Variants in RAB40B observed in about 807,000 individuals in gnomAD.
The protein encoded by RAB40B is ras-related protein Rab-40B.
Under a neutral mutation model 24.0 loss-of-function variants are expected in RAB40B, and 21 were observed. That is an observed-to-expected ratio of 0.88 (90% CI 0.62 to 1.26). The LOEUF is 1.26. Ranked by LOEUF, RAB40B falls within the 50% of genes most tolerant of loss-of-function variation. The pLI, the probability that RAB40B is intolerant of heterozygous loss-of-function variation, is 0.00. For missense variants in RAB40B, 348 were observed against 390.5 expected (o/e 0.89, Z 0.92); for synonymous variants, 167 against 169.8 (o/e 0.98, Z 0.13).
chr17:82,664,672 C>T, intron 1 of RAB40B, 116 bp from the exon 2 acceptor site: 1 of 993,642 alleles, frequency 1.0e-6, no homozygotes, highest in Non-Finnish European at 1.5e-6. Context: ...GTTTACAAGG[C>T]AGGCGGATGG....
chr17:82,695,025 T>C (rs1211900383), intron 1 of RAB40B, among the ~76,000 whole-genome samples: 1 of 151,768 alleles, frequency 6.6e-6, no homozygotes, highest in Non-Finnish European at 1.5e-5. Flanking sequence ...TATTTAAATG[T>C]TGAATTGATA....
intron 1 of RAB40B, among the ~76,000 whole-genome samples, chr17:82,676,520 C>G (rs2046396400): frequency 6.6e-6 from 1 of 151,896 alleles, no homozygotes; most frequent in South Asian, 2.1e-4. Flanking sequence ...CTCGGCTCTT[C>G]CCAGCCACCC....
In RAB40B at chr17:82,675,623, G is replaced by A. The variant is rs761518347; in HGVS notation, c.143-11067C>T. Among the ~76,000 whole-genome samples, 1 of 152,128 alleles carries A rather than the reference G, an allele frequency of 6.6e-6. No individual in the cohort carries two copies. Among genetic ancestry groups the A allele is most frequent in the Non-Finnish European group, 1.5e-5 (1 of 68,032 alleles). On this transcript the variant is annotated intron_variant, in intron 1 of 5. Transcript: ENST00000571995. This position sits in a 1 kb window ranked among gnomAD's most constrained non-coding sequence, Gnocchi z 4.5. ...CTGGAAGTTCTAGATCAAGGTCCAG[G>A]CAGAGCCAGTGTCTGACGAGGGCTG...
chr17:82,672,150 ACAGCT>A (rs2046345565), intron 1 of RAB40B, among the ~76,000 whole-genome samples: 1 of 151,674 alleles, frequency 6.6e-6, no homozygotes, highest in Non-Finnish European at 1.5e-5. Context: ...ACCCACTGAC[ACAGCT>A]CACCCCTGTA....
intron 3 of RAB40B, among the ~76,000 whole-genome samples, chr17:82,660,254 C>T (rs1392673692): frequency 6.6e-6 from 1 of 151,304 alleles, no homozygotes; most frequent in Non-Finnish European, 1.5e-5. Flanking sequence ...TGTGCACATG[C>T]ATGCACATAA....
chr17:82,693,001 AT>A (rs1026885589), intron 1 of RAB40B, among the ~76,000 whole-genome samples: 2 of 151,000 alleles, frequency 1.3e-5, no homozygotes, highest in African/African-American at 2.4e-5. Context: ...TTCTGTTTCT[AT>A]TTTTTTTCTT....
In RAB40B at chr17:82,697,704, C is replaced by T. The variant is rs1472498586; in HGVS notation, c.142+751G>A. On this transcript the variant is annotated intron_variant, in intron 1 of 5. Transcript: ENST00000571995. The surrounding 1 kb of genome is among the most constrained non-coding windows in gnomAD (Gnocchi z 4.9). ...TGGGTTCCTGCCCCCGCCTTTCTTTCCCCGGAGCCGTCCACCCCCTCGCCG... is the reference window on the plus strand; with the variant it reads ...TGGGTTCCTGCCCCCGCCTTTCTTTTCCCGGAGCCGTCCACCCCCTCGCCG... Among the ~76,000 whole-genome samples the T allele has an allele frequency of 6.6e-6, 1 of 152,214 alleles. No individual in the cohort carries two copies. The highest frequency in any genetic ancestry group is 1.5e-5 in the Non-Finnish European group (1 of 68,040).
chr17:82,659,261 G>A (rs367927498), intron 4 of RAB40B: 24 of 362,690 alleles, frequency 6.6e-5, no homozygotes, highest in South Asian at 4.9e-4. Flanking sequence ...CACAAGCGCC[G>A]GTCACTGCTG....
At chr17:82,665,758 T>C (rs1243799632) in intron 1 of RAB40B, among the ~76,000 whole-genome samples, 1 of 151,690 alleles carries the variant, frequency 6.6e-6, no homozygotes, top group East Asian at 1.9e-4. Flanking sequence ...TCCTAGCTAG[T>C]AGGGAGGCTG....
At chr17:82,662,319 A>G in intron 2 of RAB40B, 8 of 985,492 alleles carry the variant, frequency 8.1e-6, no homozygotes, top group Non-Finnish European at 9.6e-6. Context: ...GGAGCTGCCC[A>G]AAAGCTATGG....
Position 82,655,350 on chromosome 17 carries a change from C to T in RAB40B, c.*2513G>A, listed in dbSNP as rs1286213371. The stretch of plus-strand genomic sequence containing the variant: ...AAGGCCTCCGGGCGGCCCGTGCATT[C>T]GGTGAACACCTCCAAAGAGCTCTGA... On this transcript the variant is annotated 3_prime_UTR_variant, in exon 6 of 6. Coordinates refer to ENST00000571995, the MANE Select transcript of RAB40B (RefSeq NM_006822.3). 1 of 152,136 alleles carries T rather than the reference C, an allele frequency of 6.6e-6. No individual in the cohort carries two copies. The highest frequency in any genetic ancestry group is 2.4e-5 in the African/African-American group (1 of 41,410). The allele number at this position is 152,136 out of a possible 1,614,324, so 9.4% of individuals were successfully genotyped here. A position where few individuals can be genotyped will look rare whatever the true frequency, so the allele number is the denominator to read the frequency against.
chr17:82,683,723 G>C (rs1171532334), intron 1 of RAB40B, among the ~76,000 whole-genome samples: 3 of 149,570 alleles, frequency 2.0e-5, no homozygotes, highest in African/African-American at 7.4e-5. Context: ...AGGATCACTT[G>C]AGCCCAGTAG....
chr17:82,662,064 C>T (rs961035834), intron 2 of RAB40B: 4 of 985,278 alleles, frequency 4.1e-6, no homozygotes, highest in Non-Finnish European at 3.6e-6. Context: ...GGGCTGGCCC[C>T]GCACACGAGA....
intron 1 of RAB40B, among the ~76,000 whole-genome samples, chr17:82,687,785 C>T (rs1389014603): frequency 1.3e-5 from 2 of 152,184 alleles, no homozygotes; most frequent in Non-Finnish European, 2.9e-5. Context: ...AGACTTTACG[C>T]CCCCAGCCAG....
At chr17:82,660,105 C>T (rs946571868) in intron 3 of RAB40B, among the ~76,000 whole-genome samples, 3 of 151,926 alleles carry the variant, frequency 2.0e-5, no homozygotes, top group East Asian at 2.0e-4. Context: ...TGCACAGACA[C>T]AGTGCACATA....
chr17:82,666,589 A>T (rs2379119), intron 1 of RAB40B, among the ~76,000 whole-genome samples: 1 of 151,700 alleles, frequency 6.6e-6, no homozygotes, highest in Non-Finnish European at 1.5e-5. Flanking sequence ...CGCCCCCATC[A>T]CCCCCCAGAC....
At chr17:82,664,832 G>A (rs2046234380) in intron 1 of RAB40B, 1 of 363,610 alleles carries the variant, frequency 2.8e-6, no homozygotes, top group South Asian at 3.6e-5. Context: ...GCACTGCAGG[G>A]CCTACATGTG....
At position 82,658,104 on chromosome 17, in the gene RAB40B, G is replaced by C; in HGVS notation, c.596C>G (p.Ala199Gly). Residue 199 changes from alanine (A) to glycine (G), a missense_variant, in exon 6 of 6, where the codon GCG (alanine) becomes GGG (glycine). By Grantham distance (60) the Ala-to-Gly change is moderately conservative. This residue lies in a region of RAB40B where 121 missense variants were observed against 124.0 expected (regional missense o/e 0.98). Transcript: ENST00000571995. ...GTGCACCGGCGTGCAGGACACGACC[G>C]CCCGGCAGCAGAGGTCTTGCAAGCT... is the stretch of plus-strand genomic sequence containing the variant. Reference protein sequence around the residue: ...VLSLQDLCCRAVVSCTPVHLV... With the variant: ...VLSLQDLCCRGVVSCTPVHLV... 1.2e-6 allele frequency: 2 copies of C among 1,614,126 alleles called. No individual in the cohort carries two copies. The highest frequency in any genetic ancestry group is 1.7e-6 in the Non-Finnish European group (2 of 1,180,016).
intron 1 of RAB40B, among the ~76,000 whole-genome samples, chr17:82,666,722 C>T (rs1017619541): frequency 6.6e-6 from 1 of 152,032 alleles, no homozygotes; most frequent in African/African-American, 2.4e-5. Flanking sequence ...TGGAGAATGC[C>T]GGGTAGGAGC....
Sources: gnomAD v4.1 joint callset for allele counts (sites outside exome capture counted in the v4.1 genomes callset) on GRCh38, gnomAD v4.1.1 for gene constraint, gnomAD v4.1.1 regional missense constraint, Gnocchi (gnomAD v3.1) non-coding constraint, MANE v1.5 for transcripts, NCBI Gene and HGNC (gene_info 2026-07-23, HGNC 2026-07-21) for gene names.